TYW1B: variants seen among roughly 807,000 people sequenced by gnomAD.
The protein encoded by TYW1B is tRNA-yW synthesizing protein 1 homolog B.
Under a neutral mutation model 86.9 loss-of-function variants are expected in TYW1B, and 73 were observed. The ratio of observed to expected loss-of-function variants is 0.84; its 90% CI spans 0.70 to 1.02. The LOEUF is 1.02. Ranked by LOEUF, TYW1B falls within the 50% of genes least tolerant of loss-of-function variation. The pLI, the probability that TYW1B is intolerant of heterozygous loss-of-function variation, is 0.00. For missense variants in TYW1B, 637 were observed against 827.4 expected, an observed-to-expected ratio of 0.77 and a Z score of 2.82; for synonymous variants, 248 against 292.8, an observed-to-expected ratio of 0.85 and a Z score of 1.56.
intron 13 of TYW1B, among the ~76,000 whole-genome samples, chr7:72,592,383 G>A (rs1402129746): frequency 6.6e-6 from 1 of 151,846 alleles, no homozygotes; most frequent in African/African-American, 2.4e-5. Flanking sequence ...TAAGCACAAG[G>A]AGAATAGCTA....
chr7:72,584,280 T>C (rs569244748), intron 13 of TYW1B, among the ~76,000 whole-genome samples: 7 of 152,290 alleles, frequency 4.6e-5, no homozygotes, highest in African/African-American at 1.7e-4. Context: ...CCAGGGCTCA[T>C]GCAATTCTCC....
At chr7:72,618,149 C>T (rs1812122481) in intron 12 of TYW1B, among the ~76,000 whole-genome samples, 1 of 151,126 alleles carries the variant, frequency 6.6e-6, no homozygotes, top group Non-Finnish European at 1.5e-5. Context: ...CAGACACACA[C>T]ACAAACACAC....
chr7:72,812,763 T>C (rs1554478634), intron 3 of TYW1B, among the ~76,000 whole-genome samples: 2 of 151,040 alleles, frequency 1.3e-5, no homozygotes, highest in Non-Finnish European at 2.9e-5. Flanking sequence ...TGGCATGATC[T>C]CAGCTCACTG....
chr7:72,662,388 G>C (rs1813348966), intron 11 of TYW1B, among the ~76,000 whole-genome samples: 1 of 151,972 alleles, frequency 6.6e-6, no homozygotes, highest in South Asian at 2.1e-4. Context: ...GAGGAGAAAT[G>C]AATGATGATA....
rs576240918 is a variant in TYW1B, at chr7:72,815,068, C to CAAAAAAAA, written c.237+304_237+311dup. Among the ~76,000 whole-genome samples, 8 of 73,116 alleles carry CAAAAAAAA rather than the reference C, an allele frequency of 1.1e-4. 1 individual carries two copies. Among genetic ancestry groups the CAAAAAAAA allele is most frequent in the African/African-American group, 1.6e-4 (3 of 18,856 alleles). 48.0% of individuals were successfully genotyped at this position (73,116 alleles called of 152,430 possible). On this transcript the variant is annotated intron_variant, in intron 3 of 13. Transcript: ENST00000620995. ...TGGGTGACACAGTGAGACTCCATCTCAAAAAAAAAAAAAAAAAAAAAAGAA... is the reference window on the plus strand; with the variant it reads ...TGGGTGACACAGTGAGACTCCATCTCAAAAAAAAAAAAAAAAAAAAAAAAAAAAAAGAA...
At chr7:72,621,674 G>A (rs1307722408) in intron 12 of TYW1B, among the ~76,000 whole-genome samples, 1 of 152,186 alleles carries the variant, frequency 6.6e-6, no homozygotes, top group Non-Finnish European at 1.5e-5. Context: ...TTGAGGGCAG[G>A]GGCTGTGCCT....
chr7:72,769,183 AT>A, intron 7 of TYW1B: 1 of 414,980 alleles, frequency 2.4e-6, no homozygotes, highest in Non-Finnish European at 3.9e-6. Context: ...TTACCATGCC[AT>A]TTTATTGACT....
intron 2 of TYW1B, among the ~76,000 whole-genome samples, chr7:72,817,301 G>A (rs1229590374): frequency 6.6e-6 from 1 of 152,002 alleles, no homozygotes; most frequent in Non-Finnish European, 1.5e-5. Context: ...CTACCTACCT[G>A]GGAGGCTGAG....
At chr7:72,747,251 A>C (rs371174361) in intron 7 of TYW1B, among the ~76,000 whole-genome samples, 68 of 152,252 alleles carry the variant, frequency 4.5e-4, no homozygotes, top group Non-Finnish European at 7.6e-4. Flanking sequence ...ATAAGTCTCA[A>C]AAGATCCGAT....
At chr7:72,760,445 G>T (rs1243961896) in intron 7 of TYW1B, among the ~76,000 whole-genome samples, 2 of 152,152 alleles carry the variant, frequency 1.3e-5, no homozygotes, top group African/African-American at 4.8e-5. Context: ...ATAAACCAGT[G>T]AGTTTGTATT....
chr7:72,698,370 C>T (rs1554451867), intron 10 of TYW1B, among the ~76,000 whole-genome samples: 1 of 152,176 alleles, frequency 6.6e-6, no homozygotes, highest in South Asian at 2.1e-4. Flanking sequence ...TCAGGCCGGG[C>T]ACAGTGGCTC....
chr7:72,667,754 C>T (rs1347995145), intron 11 of TYW1B, among the ~76,000 whole-genome samples: 5 of 152,124 alleles, frequency 3.3e-5, no homozygotes, highest in Non-Finnish European at 5.9e-5. Flanking sequence ...AGTGGAAAAC[C>T]AGCAACACAA....
intron 11 of TYW1B, among the ~76,000 whole-genome samples, chr7:72,677,112 T>C (rs1813753899): frequency 2.0e-5 from 3 of 152,292 alleles, no homozygotes; most frequent in Admixed American, 6.5e-5. Flanking sequence ...GAACTTCTTC[T>C]TTCTCTCTCT....
chr7:72,584,168 C>T (rs1811220096), intron 13 of TYW1B, among the ~76,000 whole-genome samples: 1 of 152,172 alleles, frequency 6.6e-6, no homozygotes, highest in South Asian at 2.1e-4. Flanking sequence ...TCCTCAGTCT[C>T]TGGAAGAGCT....
Position 72,723,062 on chromosome 7 carries a change from G to C in TYW1B, c.1192+5760C>G, listed in dbSNP as rs1786933804. The C allele has an allele frequency of 3.0e-6, 3 of 988,554 alleles. No individual in the cohort carries two copies. The African/African-American group carries it at 5.1e-5, about 17-fold the overall frequency. 61.2% of individuals were successfully genotyped at this position (988,554 alleles called of 1,614,324 possible). On this transcript the variant is annotated intron_variant, in intron 9 of 13. Coordinates refer to ENST00000620995, the MANE Select transcript of TYW1B (RefSeq NM_001145440.3). Reference sequence around the variant, plus strand: ...AAGGCAGAGGAGCCTGGGTCCCAAGGGGACAAGGAGCCTGGTTTGCCCCCA... The same window carrying C: ...AAGGCAGAGGAGCCTGGGTCCCAAGCGGACAAGGAGCCTGGTTTGCCCCCA...
At chr7:72,705,181 G>A (rs1814583354) in intron 10 of TYW1B, among the ~76,000 whole-genome samples, 2 of 152,124 alleles carry the variant, frequency 1.3e-5, no homozygotes, top group Non-Finnish European at 2.9e-5. Context: ...GAACCATTCT[G>A]AGCTAACTCA....
At chr7:72,774,962 G>GA (rs1787930757) in intron 7 of TYW1B, among the ~76,000 whole-genome samples, 1 of 151,948 alleles carries the variant, frequency 6.6e-6, no homozygotes, top group East Asian at 1.9e-4. Context: ...AACAGATGTG[G>GA]AAAATATAAA....
chr7:72,719,629 T>A (rs1468002421), intron 9 of TYW1B, among the ~76,000 whole-genome samples: 1 of 30,654 alleles, frequency 3.3e-5, no homozygotes, highest in Non-Finnish European at 6.4e-5. Context: ...AGATTCCGTC[T>A]CCAAAAAAAA....
chr7:72,665,307 G>A (rs1158035999), intron 11 of TYW1B, among the ~76,000 whole-genome samples: 3 of 152,228 alleles, frequency 2.0e-5, no homozygotes, highest in Non-Finnish European at 4.4e-5. Flanking sequence ...GAACCATGAA[G>A]TAAACTGCAG....
Sources: allele counts gnomAD v4.1 joint callset (sites outside exome capture counted in the v4.1 genomes callset), GRCh38; gene constraint gnomAD v4.1.1; transcripts MANE v1.5; gene names NCBI Gene and HGNC (gene_info 2026-07-23, HGNC 2026-07-21).